WDR70: variants seen among roughly 807,000 people sequenced by gnomAD.
WDR70 encodes WD repeat domain 70.
In WDR70, 53 loss-of-function variants were observed where a neutral mutation model predicts 88.6. That is an observed-to-expected ratio of 0.60 (90% confidence interval 0.48 to 0.75). The LOEUF is 0.75. Among genes scored for constraint, WDR70 ranks in the 30% least tolerant of loss-of-function variants. The pLI is 0.00. For missense variants in WDR70, 610 were observed against 823.2 expected (o/e 0.74, Z 3.17); for synonymous variants, 280 against 270.0 (o/e 1.04, Z -0.36).
rs1165129038 is a variant in WDR70, at chr5:37,593,268, A to G, written c.918-11796A>G. Among the ~76,000 whole-genome samples the G allele has an allele frequency of 5.9e-5, 9 of 152,084 alleles. 1 individual carries two copies. The highest frequency in any genetic ancestry group is 3.3e-4 in the Admixed American group (5 of 15,266). ...GGTTTTCTGCACCCATGAACACGTC[A>G]TTTACATTACGTATTTCTCCTAATG... On this transcript the variant is annotated intron_variant, in intron 9 of 17. Coordinates refer to ENST00000265107, the MANE Select transcript of WDR70 (RefSeq NM_018034.4).
chr5:37,675,231 A>G (rs1746165101), intron 10 of WDR70, among the ~76,000 whole-genome samples: 1 of 152,048 alleles, frequency 6.6e-6, no homozygotes, highest in Non-Finnish European at 1.5e-5. Context: ...GAAGCTCTTT[A>G]GTTTAATTAG....
At chr5:37,577,484 CA>C (rs1365076591) in intron 9 of WDR70, among the ~76,000 whole-genome samples, 3 of 151,646 alleles carry the variant, frequency 2.0e-5, no homozygotes, top group Non-Finnish European at 1.5e-5. Context: ...GCCAATCAAT[CA>C]AAAAAATAAT....
intron 7 of WDR70, among the ~76,000 whole-genome samples, chr5:37,477,095 T>G (rs2112149572): frequency 6.6e-6 from 1 of 152,354 alleles, no homozygotes; most frequent in Non-Finnish European, 1.5e-5. Context: ...GGTGGTATTG[T>G]TATTTTATGC....
At chr5:37,570,072 G>T (rs549798998) in intron 9 of WDR70, among the ~76,000 whole-genome samples, 1 of 152,118 alleles carries the variant, frequency 6.6e-6, no homozygotes, top group African/African-American at 2.4e-5. Context: ...AACACTAGAG[G>T]CAGGGAGGCC....
intron 10 of WDR70, among the ~76,000 whole-genome samples, chr5:37,622,755 C>T (rs1220675575): frequency 1.4e-4 from 21 of 148,726 alleles, no homozygotes; most frequent in Admixed American, 8.7e-4. Context: ...GTGGGGGGAG[C>T]GGGGAGGGAT....
intron 7 of WDR70, among the ~76,000 whole-genome samples, chr5:37,471,128 C>T (rs74643289): frequency 0.16 from 24,737 of 152,040 alleles, 2,141 homozygotes; most frequent in South Asian, 0.27. Flanking sequence ...GTGATTCACC[C>T]GCCTTGGCCT....
At chr5:37,525,827 A>G (rs973208842) in intron 9 of WDR70, among the ~76,000 whole-genome samples, 12 of 152,222 alleles carry the variant, frequency 7.9e-5, no homozygotes, top group African/African-American at 2.2e-4. Context: ...CAGAAATACA[A>G]ACTACCATCA....
chr5:37,614,249 C>T (rs991040308), intron 10 of WDR70, among the ~76,000 whole-genome samples: 6 of 152,128 alleles, frequency 3.9e-5, no homozygotes, highest in Non-Finnish European at 7.4e-5. Context: ...TCATCAAGGC[C>T]AGCAACGTTG....
At chr5:37,700,659 T>C (rs899119627) in intron 11 of WDR70, among the ~76,000 whole-genome samples, 1 of 152,188 alleles carries the variant, frequency 6.6e-6, no homozygotes, top group Non-Finnish European at 1.5e-5. Context: ...AGTTGTTAAA[T>C]TAAACTCTTC....
At chr5:37,654,822 A>G (rs1226476241) in intron 10 of WDR70, among the ~76,000 whole-genome samples, 5 of 151,906 alleles carry the variant, frequency 3.3e-5, no homozygotes, top group African/African-American at 1.2e-4. Context: ...CCATCCCTTT[A>G]TCTTGAGCCT....
In WDR70 at chr5:37,703,071, T is replaced by C. The variant is rs370221103; in HGVS notation, c.1400T>C (p.Ile467Thr). The C allele has an allele frequency of 6.2e-7, 1 of 1,611,368 alleles. No homozygotes were observed. The highest frequency in any genetic ancestry group is 8.5e-7 in the Non-Finnish European group (1 of 1,177,818). ...ERRTFQRVYE[I>T]DITDASVVRC... The stretch of plus-strand genomic sequence containing the variant: ...AGGACTTTCCAAAGGGTGTATGAAA[T>C]AGACATCACAGATGCGGTACGTATA... Residue 467 changes from isoleucine to threonine, a missense_variant, in exon 13 of 18, where the codon ATA becomes ACA. By Grantham distance (89) the Ile-to-Thr change is moderately conservative (BLOSUM62 -1). Around this residue, in one of 4 missense-constraint regions of WDR70, gnomAD observed 254 missense variants for 300.7 expected, o/e 0.84. Coordinates refer to ENST00000265107, the MANE Select transcript of WDR70 (RefSeq NM_018034.4).
chr5:37,411,230 G>A (rs982100064), intron 5 of WDR70, among the ~76,000 whole-genome samples: 2 of 152,096 alleles, frequency 1.3e-5, no homozygotes, highest in Non-Finnish European at 2.9e-5. Context: ...CCAAAGTGCT[G>A]GATAACAGGT....
chr5:37,392,683 C>T (rs945444910), intron 4 of WDR70, among the ~76,000 whole-genome samples: 3 of 152,036 alleles, frequency 2.0e-5, no homozygotes, highest in African/African-American at 4.8e-5. Flanking sequence ...CTCGCTCTTT[C>T]GCCCAGGCTG....
At chr5:37,585,540 A>G (rs1354956693) in intron 9 of WDR70, among the ~76,000 whole-genome samples, 2 of 152,142 alleles carry the variant, frequency 1.3e-5, no homozygotes, top group Admixed American at 6.5e-5. Flanking sequence ...TTCACTTCCA[A>G]TTGGTCAGAA....
chr5:37,649,781 A>G (rs1159280698), intron 10 of WDR70, among the ~76,000 whole-genome samples: 1 of 105,028 alleles, frequency 9.5e-6, no homozygotes, highest in South Asian at 3.2e-4. Context: ...TCTGTCGCCC[A>G]GGCTGGAGTG....
intron 8 of WDR70, among the ~76,000 whole-genome samples, chr5:37,510,191 T>G (rs748316971): frequency 3.0e-4 from 46 of 152,172 alleles, no homozygotes; most frequent in Admixed American, 5.2e-4. Context: ...TTTTTCAGAT[T>G]TACCAATTGC....
intron 5 of WDR70, among the ~76,000 whole-genome samples, chr5:37,428,314 G>T (rs1294057873): frequency 6.6e-6 from 1 of 152,148 alleles, no homozygotes. Flanking sequence ...ACCAATTTAT[G>T]AGTATAGTTT....
chr5:37,643,688 T>C (rs1351764680), intron 10 of WDR70, among the ~76,000 whole-genome samples: 1 of 151,964 alleles, frequency 6.6e-6, no homozygotes, highest in Non-Finnish European at 1.5e-5. Context: ...TAGTTTTCAT[T>C]AGAGGAATCT....
chr5:37,548,798 C>G (rs189733440), intron 9 of WDR70, among the ~76,000 whole-genome samples: 1 of 152,224 alleles, frequency 6.6e-6, no homozygotes, highest in Non-Finnish European at 1.5e-5. Flanking sequence ...ATTCTTTAAT[C>G]CATTTTGATT....
Sources: gnomAD v4.1 joint callset for allele counts (sites outside exome capture counted in the v4.1 genomes callset) on GRCh38, gnomAD v4.1.1 for gene constraint, gnomAD v4.1.1 regional missense constraint, MANE v1.5 for transcripts, NCBI Gene and HGNC (gene_info 2026-07-23, HGNC 2026-07-21) for gene names.